The following PROM1 variants were observed in gnomAD, a reference collection of about 807,000 sequenced individuals.
The protein encoded by PROM1 is prominin-1.
A neutral mutation model predicts 116.9 loss-of-function variants in PROM1; 105 were observed. That is an observed-to-expected ratio of 0.90 (90% confidence interval 0.77 to 1.06). The LOEUF (loss-of-function observed/expected upper bound fraction) is 1.06. Among genes scored for constraint, PROM1 ranks in the 50% least tolerant of loss-of-function variants. PROM1 has a pLI of 0.00. For missense variants in PROM1, 1,122 were observed against 1,045.2 expected, an observed-to-expected ratio of 1.07 and a Z score of -1.01; for synonymous variants, 393 against 387.0, an observed-to-expected ratio of 1.02 and a Z score of -0.18.
intron 2 of PROM1, among the ~76,000 whole-genome samples, chr4:16,043,631 GC>G (rs1333450283): frequency 2.6e-5 from 4 of 152,336 alleles, no homozygotes; most frequent in South Asian, 2.1e-4. Flanking sequence ...CATCACGGGA[GC>G]CCCACTTTGA....
intron 2 of PROM1, among the ~76,000 whole-genome samples, chr4:16,050,563 G>A (rs576206955): frequency 2.0e-5 from 3 of 152,160 alleles, no homozygotes; most frequent in African/African-American, 4.8e-5. Context: ...CATGTTGCCC[G>A]GGGTGGTCTC....
At chr4:15,989,590 G>A in intron 19 of PROM1, 142 bp downstream of exon 19, 1 of 722,248 alleles carries the variant, frequency 1.4e-6, no homozygotes, top group East Asian at 2.7e-5. Flanking sequence ...TTGTCTAAAG[G>A]CCAGCTCAAC....
chr4:15,996,110 T>A lies in PROM1; in HGVS notation c.1683-2039A>T, dbSNP rs150987755. On this transcript the variant is annotated intron_variant, in intron 15 of 27. Coordinates refer to ENST00000447510, the MANE Select transcript of PROM1 (RefSeq NM_006017.3). The stretch of plus-strand genomic sequence containing the variant: ...TAAAGAAGTTTACACAACCGAGGTG[T>A]TTCCATCAGTCTTGGCATACAGAAA... Among the ~76,000 whole-genome samples the A allele has an allele frequency of 1.6e-3, 247 of 152,306 alleles. 1 individual carries two copies. The highest frequency in any genetic ancestry group is 5.8e-3 in the African/African-American group (243 of 41,564).
At chr4:16,066,834 C>T (rs185586295) in intron 2 of PROM1, among the ~76,000 whole-genome samples, 45 of 152,328 alleles carry the variant, frequency 3.0e-4, no homozygotes, top group African/African-American at 1.0e-3. Context: ...AGGATGTCAT[C>T]GCTGAAGATC....
chr4:15,980,207 G>C (rs1040303855), intron 24 of PROM1: 2 of 632,188 alleles, frequency 3.2e-6, no homozygotes, highest in Non-Finnish European at 5.6e-6. Flanking sequence ...GAAGCTGAGA[G>C]GATTAAGCAA....
chr4:16,019,849 G>A (rs1336800050), intron 8 of PROM1, among the ~76,000 whole-genome samples: 4 of 145,150 alleles, frequency 2.8e-5, no homozygotes, highest in Non-Finnish European at 6.0e-5. Flanking sequence ...CCACATAACA[G>A]AAAATACTTG....
In PROM1 at chr4:16,025,289, A is replaced by G. The variant is rs780577834; in HGVS notation, c.533T>C (p.Val178Ala). The change falls in exon 6 of 28, where the codon GTG (valine) becomes GCG (alanine). Residue 178 changes from valine (V) to alanine (A), a missense_variant. Transcript: ENST00000447510. ...IISIGIFYGF[V>A]ANHQVRTRIK... ...CCGGGTTCTTACCTGGTGATTTGCCACAAAACCATAGAAGATGCCAATGCT... is the reference window on the plus strand; with the variant it reads ...CCGGGTTCTTACCTGGTGATTTGCCGCAAAACCATAGAAGATGCCAATGCT... 10 of 1,613,992 alleles carry G rather than the reference A, an allele frequency of 6.2e-6. No homozygotes were observed. The highest frequency in any genetic ancestry group is 1.7e-4 in the Middle Eastern group (1 of 6,060).
At chr4:15,976,916 C>G (rs1463633928) in intron 26 of PROM1, among the ~76,000 whole-genome samples, 1 of 152,144 alleles carries the variant, frequency 6.6e-6, no homozygotes, top group African/African-American at 2.4e-5. Flanking sequence ...GCCTACAGCT[C>G]TATGGCAGTG....
intron 4 of PROM1, 77 bp downstream of exon 4, chr4:16,035,658 A>T: frequency 7.3e-7 from 1 of 1,367,878 alleles, no homozygotes; most frequent in Non-Finnish European, 1.0e-6. Flanking sequence ...TCATTTAAAA[A>T]TCTTCACAGT....
chr4:15,980,383 G>C, intron 24 of PROM1, 39 bp downstream of exon 24: 1 of 1,344,698 alleles, frequency 7.4e-7, no homozygotes. Flanking sequence ...GCACCACCTA[G>C]AAAATGACCC....
chr4:16,062,037 G>A (rs1424588273), intron 2 of PROM1, among the ~76,000 whole-genome samples: 2 of 151,882 alleles, frequency 1.3e-5, no homozygotes, highest in African/African-American at 2.4e-5. Context: ...GACTACGGGC[G>A]CCTGCCACCA....
At chr4:16,073,638 G>C (rs530818724) in intron 2 of PROM1, among the ~76,000 whole-genome samples, 1 of 129,870 alleles carries the variant, frequency 7.7e-6, no homozygotes, top group South Asian at 2.4e-4. Flanking sequence ...GTCTGCCCTG[G>C]TCTACTGTTG....
chr4:16,050,207 G>C (rs770067264), intron 2 of PROM1, among the ~76,000 whole-genome samples: 40 of 151,514 alleles, frequency 2.6e-4, no homozygotes, highest in Non-Finnish European at 5.6e-4. Context: ...GTTGCAGTGA[G>C]CCGAGATCAT....
At chr4:15,986,963 G>A (rs1232267486) in intron 20 of PROM1, among the ~76,000 whole-genome samples, 1 of 152,230 alleles carries the variant, frequency 6.6e-6, no homozygotes, top group African/African-American at 2.4e-5. Context: ...ACCCAGCCTT[G>A]CAGCTCTGTG....
chr4:16,074,236 A>G (rs1012538736), intron 2 of PROM1, among the ~76,000 whole-genome samples: 2 of 148,094 alleles, frequency 1.4e-5, no homozygotes, highest in African/African-American at 4.9e-5. Context: ...TTTGTAACAC[A>G]AAGAATAAAT....
intron 2 of PROM1, among the ~76,000 whole-genome samples, chr4:16,064,450 G>GGA (rs1019416471): frequency 6.6e-6 from 1 of 152,186 alleles, no homozygotes; most frequent in Admixed American, 6.5e-5. Flanking sequence ...GGAGGAGGCA[G>GGA]GAGACAGTGA....
chr4:15,974,812 A>T (rs1219410434), intron 26 of PROM1, among the ~76,000 whole-genome samples: 2 of 152,082 alleles, frequency 1.3e-5, no homozygotes, highest in Non-Finnish European at 2.9e-5. Context: ...CTTTGCACTG[A>T]TCATTTTCCT....
intron 26 of PROM1, chr4:15,976,187 A>G (rs1191255172): frequency 2.2e-6 from 1 of 455,710 alleles, no homozygotes; most frequent in South Asian, 1.6e-5. Flanking sequence ...TCTAGTTCGA[A>G]TTTCAACACT....
intron 8 of PROM1, among the ~76,000 whole-genome samples, chr4:16,021,613 T>C (rs546367695): frequency 6.6e-6 from 1 of 152,166 alleles, no homozygotes; most frequent in Non-Finnish European, 1.5e-5. Context: ...GCACGAGGGA[T>C]CCAGGCTGCA....
Sources: allele counts gnomAD v4.1 joint callset (sites outside exome capture counted in the v4.1 genomes callset), GRCh38; gene constraint gnomAD v4.1.1; transcripts MANE v1.5; gene names NCBI Gene and HGNC (gene_info 2026-07-23, HGNC 2026-07-21).